Variants in EFR3B observed in about 807,000 individuals in gnomAD.
The protein encoded by EFR3B is EFR3 homolog B, also known as protein EFR3 homolog B.
Under a neutral mutation model 104.7 loss-of-function variants are expected in EFR3B, and 64 were observed. The ratio of observed to expected loss-of-function variants is 0.61; its 90% CI spans 0.50 to 0.75. EFR3B has a LOEUF of 0.75. EFR3B is among the 30% of genes least tolerant of loss of function. The pLI, the probability that EFR3B is intolerant of heterozygous loss-of-function variation, is 0.00. For synonymous variants in EFR3B, 385 were observed against 417.9 expected (o/e 0.92, Z 0.96); for missense variants, 750 against 1,078.5 (o/e 0.70, Z 4.27).
intron 1 of EFR3B, among the ~76,000 whole-genome samples, chr2:25,073,929 T>A (rs1004130232): frequency 1.3e-5 from 2 of 152,076 alleles, no homozygotes; most frequent in Non-Finnish European, 2.9e-5. Context: ...CATAAAACTT[T>A]CCATGAGAAA....
intron 1 of EFR3B, among the ~76,000 whole-genome samples, chr2:25,045,574 G>T (rs889987908): frequency 1.3e-5 from 2 of 152,148 alleles, no homozygotes; most frequent in African/African-American, 4.8e-5. Flanking sequence ...CTGAGGTCAG[G>T]AGGTCAAGAC....
rs74606718 is a variant in EFR3B, at chr2:25,052,372, T to G, written c.7+10053T>G. Among the ~76,000 whole-genome samples the G allele has an allele frequency of 8.3e-4, 126 of 152,296 alleles. 1 individual carries two copies. The highest frequency in any genetic ancestry group is 2.9e-3 in the African/African-American group (122 of 41,582). On this transcript the variant is annotated intron_variant, in intron 1 of 22. Transcript: ENST00000403714. Reference sequence around the variant, plus strand: ...GCATTCTGAGGCATCATCTTTTTCATTCGCTTCTTTGTAACTTCTTACTCA... The same window carrying G: ...GCATTCTGAGGCATCATCTTTTTCAGTCGCTTCTTTGTAACTTCTTACTCA...
At chr2:25,089,045 G>C (rs1353069087) in intron 1 of EFR3B, among the ~76,000 whole-genome samples, 1 of 152,184 alleles carries the variant, frequency 6.6e-6, no homozygotes, top group African/African-American at 2.4e-5. Flanking sequence ...TGCCTTCCCT[G>C]GAGGGCCTGT....
chr2:25,118,813 G>A (rs1161802486), intron 4 of EFR3B, among the ~76,000 whole-genome samples: 2 of 151,354 alleles, frequency 1.3e-5, no homozygotes, highest in East Asian at 3.9e-4. Context: ...GGCCAAGGCG[G>A]GCGGATCATG....
At chr2:25,077,826 C>G (rs893982374) in intron 1 of EFR3B, among the ~76,000 whole-genome samples, 2 of 152,196 alleles carry the variant, frequency 1.3e-5, no homozygotes, top group Admixed American at 6.5e-5. Flanking sequence ...AGCATCTATT[C>G]CTTTTAAATT....
rs114279200 is a variant in EFR3B at position 25,102,934 on chromosome 2, A to G, written c.213-703A>G. On this transcript the variant is annotated intron_variant, in intron 3 of 22. Coordinates refer to ENST00000403714, the MANE Select transcript of EFR3B (RefSeq NM_014971.2). The stretch of plus-strand genomic sequence containing the variant: ...TCCAAACATAGTAATGCTGCCAACC[A>G]TATTGCTTGCATAGTACTTTATCAT... 3.4e-3 allele frequency among the ~76,000 whole-genome samples: 518 copies of G among 152,326 alleles called. 7 individuals carry two copies. Among genetic ancestry groups the G allele is most frequent in the African/African-American group, 0.012 (498 of 41,564 alleles).
At chr2:25,148,740 G>T (rs532016133) in intron 19 of EFR3B, among the ~76,000 whole-genome samples, 1 of 149,954 alleles carries the variant, frequency 6.7e-6, no homozygotes, top group South Asian at 2.1e-4. Context: ...GGCTAAAACG[G>T]TGAAACCCCG....
intron 3 of EFR3B, among the ~76,000 whole-genome samples, chr2:25,102,921 A>C (rs1669463512): frequency 6.6e-6 from 1 of 152,234 alleles, no homozygotes; most frequent in African/African-American, 2.4e-5. Flanking sequence ...CAAACATAGT[A>C]ATGCTGCCAA....
chr2:25,153,845 T>A, intron 22 of EFR3B, 84 bp downstream of exon 22: 1 of 1,352,336 alleles, frequency 7.4e-7, no homozygotes, highest in South Asian at 1.3e-5. Flanking sequence ...CACCCCTGTC[T>A]TCTCTTCTCT....
chr2:25,108,272 A>G (rs563922572), intron 4 of EFR3B, among the ~76,000 whole-genome samples: 3 of 152,294 alleles, frequency 2.0e-5, no homozygotes, highest in Admixed American at 6.5e-5. Context: ...ACTTCTGCAC[A>G]CCTGCCTCAT....
intron 1 of EFR3B, among the ~76,000 whole-genome samples, chr2:25,087,237 C>T (rs1386316292): frequency 1.3e-5 from 2 of 152,066 alleles, no homozygotes; most frequent in Non-Finnish European, 2.9e-5. Flanking sequence ...CTAGGTCCCT[C>T]CCATGACACG....
chr2:25,129,142 G>C (rs558473913), intron 6 of EFR3B, among the ~76,000 whole-genome samples: 4 of 151,964 alleles, frequency 2.6e-5, no homozygotes, highest in African/African-American at 9.6e-5. Context: ...GCAGATACTG[G>C]GTTTTAATCC....
At chr2:25,058,595 C>T (rs1345604958) in intron 1 of EFR3B, among the ~76,000 whole-genome samples, 1 of 151,978 alleles carries the variant, frequency 6.6e-6, no homozygotes, top group Non-Finnish European at 1.5e-5. Flanking sequence ...CTCGTCTCTT[C>T]TAAAAATATA....
intron 3 of EFR3B, among the ~76,000 whole-genome samples, chr2:25,103,167 T>C (rs1669469762): frequency 6.6e-6 from 1 of 152,224 alleles, no homozygotes; most frequent in South Asian, 2.1e-4. Context: ...TGTATTTATC[T>C]CAGCTCATTA....
intron 3 of EFR3B, among the ~76,000 whole-genome samples, chr2:25,100,224 A>G (rs1030040189): frequency 6.6e-6 from 1 of 152,148 alleles, no homozygotes; most frequent in Non-Finnish European, 1.5e-5. Flanking sequence ...ATTTTTTTTT[A>G]AATATCTGCC....
At position 25,131,469 on chromosome 2, in the gene EFR3B, G is replaced by C. The variant is rs1461415873; in HGVS notation, c.951G>C (p.Ser317=). The C allele has an allele frequency of 6.5e-7, 1 of 1,550,264 alleles. No individual in the cohort carries two copies. Among genetic ancestry groups the C allele is most frequent in the East Asian group, 2.4e-5 (1 of 40,908 alleles). ...TVRAGIVEVL[S]EAAVIAATGS... ...GCGCGGGCATCGTGGAAGTCTTGTC[G>C]GAAGCCGCGGTCATCGCTGCCACCG... Residue 317 remains serine (S), a synonymous_variant, in exon 9 of 23, where the codon TCG becomes TCC. Coordinates refer to ENST00000403714, the MANE Select transcript of EFR3B (RefSeq NM_014971.2). The surrounding 1 kb of genome is among the most constrained non-coding windows in gnomAD (Gnocchi z 7.6).
At chr2:25,065,419 G>A (rs1668308215) in intron 1 of EFR3B, among the ~76,000 whole-genome samples, 1 of 140,978 alleles carries the variant, frequency 7.1e-6, no homozygotes, top group Non-Finnish European at 1.5e-5. Context: ...TCAAACTCCT[G>A]TGCTCAAGCG....
intron 13 of EFR3B, among the ~76,000 whole-genome samples, 168 bp downstream of exon 13, chr2:25,135,807 G>T (rs1461196350): frequency 2.0e-5 from 3 of 152,164 alleles, no homozygotes; most frequent in African/African-American, 7.2e-5. Context: ...ACCAGGAGTT[G>T]ATCACCAACG....
rs926445823 is a variant in EFR3B at position 25,042,103 on chromosome 2, C to T, written c.-210C>T. The stretch of plus-strand genomic sequence containing the variant: ...CAGTGCCCAGCAACCCGAGCGGAGG[C>T]GGCCGCTGCAGCCCGGCGCTGAATG... On this transcript the variant is annotated 5_prime_UTR_variant, in exon 1 of 23. Transcript: ENST00000403714. The surrounding 1 kb of genome is among the most constrained non-coding windows in gnomAD (Gnocchi z 5.4). 1.8e-5 allele frequency: 6 copies of T among 331,308 alleles called. No individual in the cohort carries two copies. The highest frequency in any genetic ancestry group is 3.2e-5 in the Non-Finnish European group (6 of 189,252). The allele number at this position is 331,308 out of a possible 1,614,324, so 20.5% of individuals were successfully genotyped here. A position where few individuals can be genotyped will look rare whatever the true frequency, so the allele number is the denominator to read the frequency against.
Sources: allele counts gnomAD v4.1 joint callset (sites outside exome capture counted in the v4.1 genomes callset), GRCh38; gene constraint gnomAD v4.1.1; non-coding constraint Gnocchi (gnomAD v3.1); transcripts MANE v1.5; gene names NCBI Gene and HGNC (gene_info 2026-07-23, HGNC 2026-07-21).